Variants in AP2A2 observed in about 807,000 individuals in gnomAD.
AP2A2 encodes AP-2 complex subunit alpha-2.
In AP2A2, 32 loss-of-function variants were observed where a neutral mutation model predicts 104.2. The observed-to-expected ratio is 0.31, with a 90% CI of 0.23 to 0.41. The LOEUF (loss-of-function observed/expected upper bound fraction) is 0.41. Ranked by LOEUF, AP2A2 falls within the 10% of genes least tolerant of loss-of-function variation. AP2A2 has a pLI of 1.00. For synonymous variants in AP2A2, 539 were observed against 533.3 expected, an observed-to-expected ratio of 1.01 and a Z score of -0.15; for missense variants, 912 against 1,261.0, an observed-to-expected ratio of 0.72 and a Z score of 4.19.
At chr11:1,005,697 G>T (rs10902266) in intron 16 of AP2A2, among the ~76,000 whole-genome samples, 73,686 of 151,934 alleles carry the variant, frequency 0.48, 18,809 homozygotes, top group Admixed American at 0.64. Flanking sequence ...TCCTCTGCCC[G>T]CCAGGGGTCT....
chr11:972,659 G>A (rs2134630479), intron 4 of AP2A2, among the ~76,000 whole-genome samples: 1 of 152,308 alleles, frequency 6.6e-6, no homozygotes, highest in South Asian at 2.1e-4. Context: ...TTCATGCCTT[G>A]GAGACTCCAG....
chr11:927,551 C>G (rs1365975392), intron 1 of AP2A2, among the ~76,000 whole-genome samples: 1 of 150,440 alleles, frequency 6.6e-6, no homozygotes, highest in African/African-American at 2.4e-5. Context: ...TGCGGTGGCT[C>G]AAACCTATAG....
intron 1 of AP2A2, among the ~76,000 whole-genome samples, chr11:929,269 A>T (rs7396670): frequency 0.028 from 4,220 of 151,990 alleles, 199 homozygotes; most frequent in African/African-American, 0.094. Context: ...TTTTCCTGTC[A>T]TGAGAGTGAA....
chr11:985,798 T>G (rs1343518351), intron 8 of AP2A2, among the ~76,000 whole-genome samples: 1 of 152,232 alleles, frequency 6.6e-6, no homozygotes, highest in African/African-American at 2.4e-5. Flanking sequence ...GACTGTGGTC[T>G]CATCCCACAC....
intron 1 of AP2A2, among the ~76,000 whole-genome samples, chr11:941,970 A>G (rs1025058027): frequency 6.6e-6 from 1 of 151,586 alleles, no homozygotes; most frequent in African/African-American, 2.4e-5. Flanking sequence ...TCTGTCACCC[A>G]GGCTGGAGTG....
chr11:993,674 C>T lies in AP2A2; in HGVS notation c.1551-80C>T, dbSNP rs531001859. 1.1e-4 allele frequency: 132 copies of T among 1,153,324 alleles called. No individual in the cohort carries two copies. The highest frequency in any genetic ancestry group is 1.5e-4 in the Non-Finnish European group (122 of 815,774). The allele number at this position is 1,153,324 out of a possible 1,614,324, so 71.4% of individuals were successfully genotyped here. On this transcript the variant is annotated intron_variant, in intron 12 of 21. Coordinates refer to ENST00000448903, the MANE Select transcript of AP2A2 (RefSeq NM_012305.4). The surrounding 1 kb of genome is among the most constrained non-coding windows in gnomAD (Gnocchi z 8.2). ...TCTGGTGCAGGCCAGGGGGTCTCGCCGCCGTCCCCCCCCCGCGGGGGCGTG... is the reference window on the plus strand; with the variant it reads ...TCTGGTGCAGGCCAGGGGGTCTCGCTGCCGTCCCCCCCCCGCGGGGGCGTG...
chr11:953,048 G>A (rs1374824439), intron 1 of AP2A2, among the ~76,000 whole-genome samples: 1 of 152,216 alleles, frequency 6.6e-6, no homozygotes, highest in African/African-American at 2.4e-5. Context: ...CGTTGATCAT[G>A]CAGCTTCTAC....
chr11:977,352 G>A (rs778892476), intron 5 of AP2A2, 128 bp downstream of exon 5: 216 of 1,277,580 alleles, frequency 1.7e-4, no homozygotes, highest in Non-Finnish European at 2.2e-4. Context: ...CTGTGGCTGC[G>A]TGCTGAGGCC....
intron 1 of AP2A2, among the ~76,000 whole-genome samples, chr11:953,197 C>T (rs1314529945): frequency 2.0e-5 from 3 of 152,190 alleles, no homozygotes; most frequent in Non-Finnish European, 4.4e-5. Flanking sequence ...CTCTCTGTCA[C>T]CCAGTCGCCC....
chr11:978,826 A>T (rs1855141174), intron 5 of AP2A2, among the ~76,000 whole-genome samples: 2 of 152,182 alleles, frequency 1.3e-5, no homozygotes, highest in African/African-American at 4.8e-5. Flanking sequence ...GGAGTGGGAC[A>T]GGAAGCGTGG....
At chr11:941,099 C>T (rs1431062417) in intron 1 of AP2A2, among the ~76,000 whole-genome samples, 1 of 152,224 alleles carries the variant, frequency 6.6e-6, no homozygotes, top group Non-Finnish European at 1.5e-5. Context: ...TGCAGGGTCT[C>T]ATGGCAGGGA....
Position 970,322 on chromosome 11 carries a change from C to T in AP2A2, c.279+11C>T, listed in dbSNP as rs1477855308. 2.5e-6 allele frequency: 4 copies of T among 1,612,718 alleles called. No homozygotes were observed. Among genetic ancestry groups the T allele is most frequent in the Non-Finnish European group, 3.4e-6 (4 of 1,179,006 alleles). Reference sequence around the variant, plus strand: ...ACGGAAAAGCAGATCGTGAGTATCGCTGCAGGTGGAGACGGCAGAGGATGG... The same window carrying T: ...ACGGAAAAGCAGATCGTGAGTATCGTTGCAGGTGGAGACGGCAGAGGATGG... On this transcript the variant is annotated intron_variant, in intron 3 of 21. Transcript: ENST00000448903.
Position 993,130 on chromosome 11 carries a change from G to A in AP2A2, c.1453-154G>A, listed in dbSNP as rs1484187178. ...CCTTGCTGCTGACACAGGTACTGAG[G>A]GTGCTGAGGAAGGCAGGGATGGGCA... is the stretch of plus-strand genomic sequence containing the variant. On this transcript the variant is annotated intron_variant, in intron 11 of 21. Coordinates refer to ENST00000448903, the MANE Select transcript of AP2A2 (RefSeq NM_012305.4). The surrounding 1 kb of genome is among the most constrained non-coding windows in gnomAD (Gnocchi z 8.2). Among the ~76,000 whole-genome samples the A allele has an allele frequency of 1.3e-5, 2 of 152,314 alleles. No individual in the cohort carries two copies. The highest frequency in any genetic ancestry group is 3.4e-3 in the Middle Eastern group (1 of 294).
chr11:975,957 A>G (rs910632404), intron 4 of AP2A2, among the ~76,000 whole-genome samples: 7 of 152,094 alleles, frequency 4.6e-5, no homozygotes, highest in East Asian at 3.9e-4. Context: ...CTCCTCTCTG[A>G]GGAGTGTGGC....
intron 9 of AP2A2, 111 bp downstream of exon 9, chr11:987,064 G>C (rs1855486234): frequency 1.6e-6 from 2 of 1,279,350 alleles, no homozygotes; most frequent in African/African-American, 3.0e-5. Context: ...GATGGAGGTG[G>C]TGCTGGTGCT....
intron 1 of AP2A2, among the ~76,000 whole-genome samples, chr11:929,075 A>G (rs1428363538): frequency 6.6e-6 from 1 of 152,232 alleles, no homozygotes; most frequent in Non-Finnish European, 1.5e-5. Context: ...AAGACCAAGA[A>G]GGTATTAGAG....
At chr11:941,197 C>T (rs889698845) in intron 1 of AP2A2, among the ~76,000 whole-genome samples, 21 of 152,190 alleles carry the variant, frequency 1.4e-4, no homozygotes, top group African/African-American at 4.8e-4. Context: ...TTCGGGTTCT[C>T]TGTTCGAGAC....
intron 1 of AP2A2, among the ~76,000 whole-genome samples, chr11:949,168 T>G (rs1216139004): frequency 6.6e-6 from 1 of 151,754 alleles, no homozygotes; most frequent in East Asian, 2.0e-4. Flanking sequence ...CCCAGCCACT[T>G]GGGAGGCTGA....
intron 2 of AP2A2, among the ~76,000 whole-genome samples, chr11:964,497 G>C (rs1022856143): frequency 6.6e-6 from 1 of 152,194 alleles, no homozygotes; most frequent in Non-Finnish European, 1.5e-5. Context: ...TGGGGTGTTA[G>C]GGGAATCTGG....
Sources: gnomAD v4.1 joint callset for allele counts (sites outside exome capture counted in the v4.1 genomes callset) on GRCh38, gnomAD v4.1.1 for gene constraint, Gnocchi (gnomAD v3.1) non-coding constraint, MANE v1.5 for transcripts, NCBI Gene and HGNC (gene_info 2026-07-23, HGNC 2026-07-21) for gene names.